The following MACROD2 variants were observed in gnomAD, a reference collection of about 807,000 sequenced individuals.
The protein encoded by MACROD2 is ADP-ribose glycohydrolase MACROD2.
In MACROD2, 36 loss-of-function variants were observed where a neutral mutation model predicts 70.4. The observed-to-expected ratio is 0.51, with a 90% CI of 0.39 to 0.68. MACROD2 has a LOEUF of 0.68. Ranked by LOEUF, MACROD2 falls within the 30% of genes least tolerant of loss-of-function variation. The pLI is 0.00. For missense variants in MACROD2, 496 were observed against 538.4 expected, an observed-to-expected ratio of 0.92 and a Z score of 0.78; for synonymous variants, 172 against 178.8, an observed-to-expected ratio of 0.96 and a Z score of 0.30.
At chr20:14,461,416 CT>C (rs1256033578) in intron 3 of MACROD2, among the ~76,000 whole-genome samples, 4 of 151,548 alleles carry the variant, frequency 2.6e-5, no homozygotes, top group Non-Finnish European at 5.9e-5. Flanking sequence ...TTTTTCTTGT[CT>C]TTCTCTCCTT....
intron 8 of MACROD2, among the ~76,000 whole-genome samples, chr20:15,564,262 C>T (rs2048282574): frequency 6.6e-6 from 1 of 152,154 alleles, no homozygotes; most frequent in Admixed American, 6.5e-5. Context: ...TCATTTTTGT[C>T]ACTATCTGTC....
chr20:15,048,117 T>TAAATAAATAAATAAATAAATAAATA (rs368002923), intron 5 of MACROD2, among the ~76,000 whole-genome samples: 1 of 150,304 alleles, frequency 6.7e-6, no homozygotes, highest in Non-Finnish European at 1.5e-5. Flanking sequence ...AATAAATAAA[T>TAAATAAATAAATAAATAAATAAATA]AATAAAAAAT....
At chr20:15,797,410 C>T (rs2063684662) in intron 8 of MACROD2, among the ~76,000 whole-genome samples, 2 of 152,232 alleles carry the variant, frequency 1.3e-5, no homozygotes, top group African/African-American at 2.4e-5. Context: ...CCACCGCGCC[C>T]AGCCTTGGGG....
chr20:15,541,735 T>A (rs2047958498), intron 8 of MACROD2, among the ~76,000 whole-genome samples: 2 of 152,238 alleles, frequency 1.3e-5, no homozygotes, highest in South Asian at 4.1e-4. Flanking sequence ...TTGCCCAATA[T>A]ACATAGGACC....
intron 8 of MACROD2, among the ~76,000 whole-genome samples, chr20:15,800,896 C>T (rs1004586707): frequency 1.3e-5 from 2 of 151,682 alleles, no homozygotes; most frequent in East Asian, 1.9e-4. Flanking sequence ...TACCCCCAAC[C>T]CTGTGCTCTC....
intron 15 of MACROD2, among the ~76,000 whole-genome samples, chr20:16,015,310 AT>A (rs1044045827): frequency 6.6e-6 from 1 of 151,704 alleles, no homozygotes; most frequent in African/African-American, 2.4e-5. Flanking sequence ...GAGTAGTGTA[AT>A]TTTTTTTTCT....
chr20:14,192,191 C>T (rs117968680), intron 3 of MACROD2, among the ~76,000 whole-genome samples: 2,099 of 152,170 alleles, frequency 0.014, 19 homozygotes, highest in South Asian at 0.037. Context: ...TCTATTATGA[C>T]GCATACCATT....
chr20:14,848,211 C>T (rs1457865282), intron 5 of MACROD2, among the ~76,000 whole-genome samples: 1 of 152,148 alleles, frequency 6.6e-6, no homozygotes, highest in Non-Finnish European at 1.5e-5. Context: ...CAACACTGTA[C>T]TCATTCACTT....
chr20:14,291,964 A>T (rs1044181929), intron 3 of MACROD2, among the ~76,000 whole-genome samples: 1 of 151,956 alleles, frequency 6.6e-6, no homozygotes, highest in African/African-American at 2.4e-5. Context: ...AAAGCAGAAT[A>T]GCACAGGGAG....
intron 8 of MACROD2, among the ~76,000 whole-genome samples, chr20:15,556,724 T>G (rs2048173652): frequency 6.6e-6 from 1 of 152,198 alleles, no homozygotes; most frequent in South Asian, 2.1e-4. Context: ...GATTACAGTT[T>G]TCTTATTAAG....
chr20:14,180,154 C>G (rs1309921070), intron 3 of MACROD2, among the ~76,000 whole-genome samples: 1 of 151,838 alleles, frequency 6.6e-6, no homozygotes, highest in Non-Finnish European at 1.5e-5. Flanking sequence ...TTGAAAATTT[C>G]TGTTCTCTAG....
At chr20:15,932,078 C>T (rs1300557883) in intron 10 of MACROD2, among the ~76,000 whole-genome samples, 1 of 152,182 alleles carries the variant, frequency 6.6e-6, no homozygotes, top group Non-Finnish European at 1.5e-5. Context: ...AGCTGGATGT[C>T]TCTTCTGCTC....
At chr20:14,466,578 G>A (rs535111570) in intron 3 of MACROD2, among the ~76,000 whole-genome samples, 5 of 152,216 alleles carry the variant, frequency 3.3e-5, no homozygotes, top group African/African-American at 9.6e-5. Context: ...TGCTGGTGAC[G>A]AGCTGCGTTC....
intron 6 of MACROD2, among the ~76,000 whole-genome samples, chr20:15,249,116 C>T (rs11907683): frequency 9.1e-4 from 138 of 152,304 alleles, no homozygotes; most frequent in African/African-American, 3.0e-3. Context: ...AGGACAAGGA[C>T]GCTGAGGTAT....
At chr20:14,982,800 G>T (rs1158221501) in intron 5 of MACROD2, among the ~76,000 whole-genome samples, 1 of 152,194 alleles carries the variant, frequency 6.6e-6, no homozygotes, top group Non-Finnish European at 1.5e-5. Context: ...CTAGGGCAGT[G>T]CATTGGGCAG....
At chr20:15,909,557 T>C (rs1366417909) in intron 10 of MACROD2, among the ~76,000 whole-genome samples, 2 of 135,964 alleles carry the variant, frequency 1.5e-5, no homozygotes, top group African/African-American at 5.5e-5. Flanking sequence ...GGAGTCTCTC[T>C]CTGTCGCCCA....
intron 3 of MACROD2, among the ~76,000 whole-genome samples, chr20:14,206,709 A>G (rs2081527044): frequency 6.8e-6 from 1 of 147,840 alleles, no homozygotes; most frequent in Non-Finnish European, 1.5e-5. Context: ...CGTCATGGTT[A>G]TCAATGTTTT....
chr20:14,809,110 C>T (rs936480810), intron 5 of MACROD2, among the ~76,000 whole-genome samples: 1 of 152,082 alleles, frequency 6.6e-6, no homozygotes. Flanking sequence ...GAATTCTCCA[C>T]CCCAAATCAA....
chr20:15,080,421 T>C (rs1601041373), intron 5 of MACROD2, among the ~76,000 whole-genome samples: 1 of 152,166 alleles, frequency 6.6e-6, no homozygotes, highest in East Asian at 1.9e-4. Flanking sequence ...AATGGTCACA[T>C]CTTCCTTTCC....
Sources: gnomAD v4.1 joint callset for allele counts (sites outside exome capture counted in the v4.1 genomes callset) on GRCh38, gnomAD v4.1.1 for gene constraint, MANE v1.5 for transcripts, NCBI Gene and HGNC (gene_info 2026-07-23, HGNC 2026-07-21) for gene names.